The following DIAPH3 variants were observed in gnomAD, a reference collection of about 807,000 sequenced individuals.
DIAPH3 encodes protein diaphanous homolog 3.
Under a neutral mutation model 144.3 loss-of-function variants are expected in DIAPH3, and 117 were observed. The observed-to-expected ratio is 0.81, with a 90% CI of 0.70 to 0.95. The LOEUF (loss-of-function observed/expected upper bound fraction) is 0.95, where lower values mean the gene tolerates loss of function less well. Ranked by LOEUF, DIAPH3 falls within the 40% of genes least tolerant of loss-of-function variation. The pLI is 0.00. For missense variants in DIAPH3, 1,421 were observed against 1,412.7 expected (o/e 1.01, Z -0.09); for synonymous variants, 519 against 488.9 (o/e 1.06, Z -0.81).
chr13:60,094,786 T>C (rs1343517118), intron 3 of DIAPH3, among the ~76,000 whole-genome samples: 1 of 152,180 alleles, frequency 6.6e-6, no homozygotes, highest in African/African-American at 2.4e-5. Flanking sequence ...CACTTAAAAG[T>C]CAAAATTCCC....
At chr13:59,773,283 C>T (rs929860273) in intron 27 of DIAPH3, among the ~76,000 whole-genome samples, 1 of 152,184 alleles carries the variant, frequency 6.6e-6, no homozygotes, top group African/African-American at 2.4e-5. Flanking sequence ...AAGATAATTA[C>T]ATCCATGTCT....
intron 20 of DIAPH3, among the ~76,000 whole-genome samples, chr13:59,899,142 G>C (rs1233262563): frequency 1.3e-5 from 2 of 152,142 alleles, no homozygotes; most frequent in Non-Finnish European, 2.9e-5. Flanking sequence ...ACTAAAGGCT[G>C]CAGTGCCAGC....
chr13:59,848,324 T>TTTA (rs1555315118), intron 22 of DIAPH3, among the ~76,000 whole-genome samples: 4 of 149,182 alleles, frequency 2.7e-5, no homozygotes, highest in Middle Eastern at 3.4e-3. Context: ...TTTTTTTTTT[T>TTTA]AATTATTATA....
At chr13:60,158,167 T>C (rs780534341) in intron 1 of DIAPH3, among the ~76,000 whole-genome samples, 32 of 152,220 alleles carry the variant, frequency 2.1e-4, no homozygotes, top group Non-Finnish European at 3.8e-4. Flanking sequence ...TTTTGATCAC[T>C]CTCCAGTGTT....
intron 18 of DIAPH3, among the ~76,000 whole-genome samples, chr13:59,922,060 A>T (rs181156253): frequency 9.5e-4 from 144 of 152,230 alleles, no homozygotes; most frequent in Non-Finnish European, 1.9e-3. Context: ...TCACAACACA[A>T]TAAATATATG....
At chr13:60,035,572 T>A (rs1271738437) in intron 5 of DIAPH3, among the ~76,000 whole-genome samples, 1 of 152,246 alleles carries the variant, frequency 6.6e-6, no homozygotes, top group East Asian at 1.9e-4. Context: ...TTCATCAATT[T>A]GACATGCTTT....
intron 1 of DIAPH3, among the ~76,000 whole-genome samples, chr13:60,135,858 T>C (rs2059258440): frequency 6.6e-6 from 1 of 152,206 alleles, no homozygotes; most frequent in Non-Finnish European, 1.5e-5. Flanking sequence ...AAAACTGGAA[T>C]GTCTCATCAT....
intron 2 of DIAPH3, among the ~76,000 whole-genome samples, chr13:60,129,667 A>T (rs2059087790): frequency 6.6e-6 from 1 of 152,238 alleles, no homozygotes; most frequent in Non-Finnish European, 1.5e-5. Context: ...CTGACCAAAA[A>T]AAAGGCTATT....
intron 25 of DIAPH3, among the ~76,000 whole-genome samples, chr13:59,780,338 G>A (rs981679013): frequency 4.6e-5 from 7 of 152,152 alleles, no homozygotes; most frequent in Admixed American, 1.3e-4. Flanking sequence ...TAACAGGTAC[G>A]AAGGCAAAAA....
chr13:59,805,793 T>A (rs1022306231), intron 25 of DIAPH3, among the ~76,000 whole-genome samples: 2 of 152,008 alleles, frequency 1.3e-5, no homozygotes, highest in African/African-American at 4.8e-5. Context: ...TTTTAATGCT[T>A]CATTTTTCTT....
chr13:60,109,555 G>C (rs1412140746), intron 3 of DIAPH3, among the ~76,000 whole-genome samples: 1 of 152,064 alleles, frequency 6.6e-6, no homozygotes. Context: ...AATGGAACAA[G>C]CTTGAACAAG....
intron 24 of DIAPH3, among the ~76,000 whole-genome samples, chr13:59,820,161 A>G (rs997872932): frequency 3.9e-5 from 6 of 152,104 alleles, no homozygotes; most frequent in Non-Finnish European, 8.8e-5. Flanking sequence ...TCAATTATAT[A>G]TGCTTCCATC....
chr13:59,672,954 T>TAAA (rs1339631297), intron 27 of DIAPH3, among the ~76,000 whole-genome samples: 1 of 152,258 alleles, frequency 6.6e-6, no homozygotes, highest in Non-Finnish European at 1.5e-5. Context: ...TGAAGAACTT[T>TAAA]ATTTGCAGAA....
chr13:59,911,402 T>C (rs2046990280), intron 20 of DIAPH3, among the ~76,000 whole-genome samples: 1 of 152,196 alleles, frequency 6.6e-6, no homozygotes, highest in African/African-American at 2.4e-5. Flanking sequence ...TTGCAATATG[T>C]TGGAATACAC....
chr13:60,015,153 G>A (rs2053555006), intron 7 of DIAPH3, among the ~76,000 whole-genome samples: 1 of 151,996 alleles, frequency 6.6e-6, no homozygotes, highest in Non-Finnish European at 1.5e-5. Context: ...GTGCCGCCAT[G>A]CCCAGCTATT....
At chr13:60,086,600 CAA>C (rs34701467) in intron 4 of DIAPH3, among the ~76,000 whole-genome samples, 80,890 of 147,838 alleles carry the variant, frequency 0.55, 22,129 homozygotes, top group Admixed American at 0.61. Flanking sequence ...GAAATAGAAG[CAA>C]AAAAAAAAAA....
chr13:60,099,741 A>G (rs1487054481), intron 3 of DIAPH3, among the ~76,000 whole-genome samples: 1 of 152,180 alleles, frequency 6.6e-6, no homozygotes, highest in Non-Finnish European at 1.5e-5. Flanking sequence ...ATTAAAATCT[A>G]TATCTAAACA....
intron 20 of DIAPH3, among the ~76,000 whole-genome samples, chr13:59,904,187 G>A (rs568735707): frequency 6.6e-6 from 1 of 152,110 alleles, no homozygotes; most frequent in African/African-American, 2.4e-5. Context: ...TGATGAGGCA[G>A]AGAGAAAAAA....
At chr13:59,880,804 C>G (rs550370157) in intron 20 of DIAPH3, among the ~76,000 whole-genome samples, 4 of 151,536 alleles carry the variant, frequency 2.6e-5, no homozygotes, top group Admixed American at 6.6e-5. Flanking sequence ...CTAATTTATA[C>G]TTAGCTTTCT....
Sources: allele counts gnomAD v4.1 joint callset (sites outside exome capture counted in the v4.1 genomes callset), GRCh38; gene constraint gnomAD v4.1.1; transcripts MANE v1.5; gene names NCBI Gene and HGNC (gene_info 2026-07-23, HGNC 2026-07-21).